Variants in GAB2 observed in about 807,000 individuals in gnomAD.
GAB2 encodes GRB2-associated-binding protein 2.
GAB2 carries 26 observed loss-of-function variants against 65.5 expected under a neutral mutation model. The observed-to-expected ratio is 0.40, with a 90% confidence interval of 0.29 to 0.55. The LOEUF (loss-of-function observed/expected upper bound fraction) is 0.55, where lower values mean the gene tolerates loss of function less well. Among genes scored for constraint, GAB2 ranks in the 20% least tolerant of loss-of-function variants. The pLI is 0.53. For synonymous variants in GAB2, 321 were observed against 329.6 expected (o/e 0.97, Z 0.28); for missense variants, 884 against 875.8 (o/e 1.01, Z -0.12).
chr11:78,281,893 G>T (rs971759583), intron 1 of GAB2, among the ~76,000 whole-genome samples: 1 of 152,108 alleles, frequency 6.6e-6, no homozygotes, highest in South Asian at 2.1e-4. Flanking sequence ...ACTAAGGCAG[G>T]GTGAGTTGAA....
intron 1 of GAB2, among the ~76,000 whole-genome samples, chr11:78,312,073 G>T (rs1855510883): frequency 6.6e-6 from 1 of 151,838 alleles, no homozygotes; most frequent in African/African-American, 2.4e-5. Context: ...CCTTTTTCTA[G>T]GTCTGTGTCA....
At chr11:78,334,269 T>C (rs1001963840) in intron 1 of GAB2, among the ~76,000 whole-genome samples, 1 of 152,204 alleles carries the variant, frequency 6.6e-6, no homozygotes, top group African/African-American at 2.4e-5. Context: ...TTATATTCTT[T>C]CAGTTATTTC....
intron 1 of GAB2, among the ~76,000 whole-genome samples, chr11:78,314,630 T>C (rs1236744107): frequency 6.6e-6 from 1 of 152,228 alleles, no homozygotes; most frequent in Non-Finnish European, 1.5e-5. Flanking sequence ...AATATTAAAG[T>C]GTCAAGTGTA....
At chr11:78,326,609 C>A (rs1675477879) in intron 1 of GAB2, among the ~76,000 whole-genome samples, 3 of 152,180 alleles carry the variant, frequency 2.0e-5, no homozygotes, top group Admixed American at 2.0e-4. Context: ...AAAAAAGAGT[C>A]ACGTTGCTTC....
chr11:78,230,270 C>G (rs1305511913), intron 3 of GAB2, among the ~76,000 whole-genome samples: 1 of 152,226 alleles, frequency 6.6e-6, no homozygotes, highest in Admixed American at 6.5e-5. Context: ...TCCAACTTCC[C>G]TCTACCCCGG....
intron 1 of GAB2, among the ~76,000 whole-genome samples, chr11:78,315,959 G>A (rs750256781): frequency 6.6e-5 from 10 of 152,132 alleles, no homozygotes; most frequent in Non-Finnish European, 1.5e-4. Flanking sequence ...CTGCCTGTCA[G>A]CATGGCCAGA....
intron 3 of GAB2, among the ~76,000 whole-genome samples, chr11:78,231,598 T>G (rs370344573): frequency 2.0e-5 from 3 of 152,210 alleles, no homozygotes; most frequent in Admixed American, 2.0e-4. Flanking sequence ...TCTGCCCGCC[T>G]CAGCCTCCCA....
At chr11:78,371,462 G>A (rs1451946005) in intron 1 of GAB2, among the ~76,000 whole-genome samples, 4 of 152,214 alleles carry the variant, frequency 2.6e-5, no homozygotes, top group African/African-American at 9.7e-5. Flanking sequence ...ACATAGTGCT[G>A]CCTCTTACAT....
chr11:78,334,757 G>A (rs1591046880), intron 1 of GAB2, among the ~76,000 whole-genome samples: 1 of 152,320 alleles, frequency 6.6e-6, no homozygotes, highest in African/African-American at 2.4e-5. Flanking sequence ...TCCCTTCTTT[G>A]GGGTAAATAC....
intron 1 of GAB2, among the ~76,000 whole-genome samples, chr11:78,319,299 G>A (rs1322722883): frequency 6.6e-6 from 1 of 152,148 alleles, no homozygotes; most frequent in Non-Finnish European, 1.5e-5. Context: ...TGAACTATTT[G>A]TTAGTATTAT....
At position 78,379,681 on chromosome 11, in the gene GAB2, G is replaced by A. The variant is rs140477019; in HGVS notation, c.75+37965C>T. ...GAGAGTGTCTTACAGTTAAGCTGCAGTCAGGACACAGCTGTCATTGCCTGC... is the reference window on the plus strand; with the variant it reads ...GAGAGTGTCTTACAGTTAAGCTGCAATCAGGACACAGCTGTCATTGCCTGC... On this transcript the variant is annotated intron_variant, in intron 1 of 9. Coordinates refer to ENST00000361507, the MANE Select transcript of GAB2 (RefSeq NM_080491.3). 2.1e-3 allele frequency among the ~76,000 whole-genome samples: 321 copies of A among 152,332 alleles called. 1 individual carries two copies. Among genetic ancestry groups the A allele is most frequent in the African/African-American group, 7.1e-3 (297 of 41,562 alleles).
chr11:78,271,982 G>GCTCTCT (rs1202467864), intron 2 of GAB2, among the ~76,000 whole-genome samples: 1 of 152,206 alleles, frequency 6.6e-6, no homozygotes, highest in African/African-American at 2.4e-5. Context: ...CCCTGCACAA[G>GCTCTCT]CTCTCTCTCT....
intron 1 of GAB2, among the ~76,000 whole-genome samples, chr11:78,284,461 T>C (rs1238076849): frequency 6.6e-6 from 1 of 152,200 alleles, no homozygotes; most frequent in Non-Finnish European, 1.5e-5. Flanking sequence ...CTGAGCCTCA[T>C]CCCACCCCTC....
rs1237445904 is a variant in GAB2 at position 78,217,241 on chromosome 11, T to G, written c.*2031A>C. 1 of 152,382 alleles carries G rather than the reference T, an allele frequency of 6.6e-6. No homozygotes were observed. The highest frequency in any genetic ancestry group is 6.5e-5 in the Admixed American group (1 of 15,288). 9.4% of individuals were successfully genotyped at this position (152,382 alleles called of 1,614,324 possible). On this transcript the variant is annotated 3_prime_UTR_variant, in exon 10 of 10. Transcript: ENST00000361507. ...TGGCCATCACCACTGTCTCATGTCC[T>G]TGTCCTTTTTCTGATTGTGGCTATC...
chr11:78,244,893 TAA>T (rs1409406670), intron 3 of GAB2, among the ~76,000 whole-genome samples: 1 of 152,142 alleles, frequency 6.6e-6, no homozygotes, highest in Non-Finnish European at 1.5e-5. Context: ...CTCAAAAAAC[TAA>T]CAATAGAACT....
intron 1 of GAB2, among the ~76,000 whole-genome samples, chr11:78,323,313 C>T (rs886663587): frequency 2.6e-5 from 4 of 152,066 alleles, no homozygotes; most frequent in African/African-American, 9.7e-5. Flanking sequence ...AGTTCGAGAC[C>T]AGCCTGGCCA....
In GAB2 at chr11:78,223,685, AG is replaced by A. The variant is rs1864536695; in HGVS notation, c.1303-10del. The A allele has an allele frequency of 6.3e-7, 1 of 1,577,234 alleles. No individual in the cohort carries two copies. Among genetic ancestry groups the A allele is most frequent in the East Asian group, 2.3e-5 (1 of 44,214 alleles). ...ACAATCATTTTCCCTGGCTAGGGAG[AG>A]GAACAGTGAAAGAAATACAGCTGTT... On this transcript the variant is annotated splice_polypyrimidine_tract_variant and intron_variant, in intron 5 of 9. Coordinates refer to ENST00000361507, the MANE Select transcript of GAB2 (RefSeq NM_080491.3).
chr11:78,363,054 T>C (rs1218020530), intron 1 of GAB2, among the ~76,000 whole-genome samples: 1 of 152,146 alleles, frequency 6.6e-6, no homozygotes, highest in Admixed American at 6.5e-5. Flanking sequence ...GTAACTAATA[T>C]AAAAAAGATG....
rs146486643 is a variant in GAB2 at position 78,345,250 on chromosome 11, G to A, written c.76-64349C>T. ...GTAGAGTATCGCACCATTGACTCCAGCCTGAGCAATGGGAATGAAATCCTG... is the reference window on the plus strand; with the variant it reads ...GTAGAGTATCGCACCATTGACTCCAACCTGAGCAATGGGAATGAAATCCTG... On this transcript the variant is annotated intron_variant, in intron 1 of 9. Coordinates refer to ENST00000361507, the MANE Select transcript of GAB2 (RefSeq NM_080491.3). Among the ~76,000 whole-genome samples the A allele has an allele frequency of 1.7e-3, 265 of 152,256 alleles. 1 individual carries two copies. The highest frequency in any genetic ancestry group is 5.8e-3 in the African/African-American group (240 of 41,562).
Sources: allele counts gnomAD v4.1 joint callset (sites outside exome capture counted in the v4.1 genomes callset), GRCh38; gene constraint gnomAD v4.1.1; transcripts MANE v1.5; gene names NCBI Gene and HGNC (gene_info 2026-07-23, HGNC 2026-07-21).